Variants in ATM observed in about 807,000 individuals in gnomAD.
ATM encodes ATM serine/threonine kinase.
A neutral mutation model predicts 387.0 loss-of-function variants in ATM; 308 were observed. That is an observed-to-expected ratio of 0.80 (90% confidence interval 0.73 to 0.87). The LOEUF (loss-of-function observed/expected upper bound fraction) is 0.87. ATM is among the 40% of genes least tolerant of loss of function. The pLI is 0.00. For missense variants in ATM, 3,312 were observed against 3,560.9 expected, an observed-to-expected ratio of 0.93 and a Z score of 1.78; for synonymous variants, 1,156 against 1,187.3, an observed-to-expected ratio of 0.97 and a Z score of 0.54.
chr11:108,354,999 A>G (rs2089723672), intron 61 of ATM, 125 bp downstream of exon 61: 1 of 813,758 alleles, frequency 1.2e-6, no homozygotes, highest in Admixed American at 2.0e-5. Flanking sequence ...GCTGGGCAGC[A>G]GAAAGGAGGA....
intron 16 of ATM, among the ~76,000 whole-genome samples, chr11:108,263,824 A>G (rs945397591): frequency 1.3e-5 from 2 of 151,306 alleles, no homozygotes; most frequent in Non-Finnish European, 3.0e-5. Flanking sequence ...ACAGCAATAC[A>G]AACTACCATC....
intron 34 of ATM, among the ~76,000 whole-genome samples, chr11:108,300,440 A>G (rs2083366122): frequency 6.6e-6 from 1 of 152,068 alleles, no homozygotes; most frequent in Admixed American, 6.6e-5. Context: ...TCTCTTATTT[A>G]TTTGTTGATT....
chr11:108,269,974 A>G (rs1384606400), intron 18 of ATM, among the ~76,000 whole-genome samples: 1 of 152,166 alleles, frequency 6.6e-6, no homozygotes, highest in Non-Finnish European at 1.5e-5. Flanking sequence ...ACATTCAGTA[A>G]CCTCATGTAC....
At chr11:108,261,893 A>G (rs1292486225) in intron 16 of ATM, among the ~76,000 whole-genome samples, 1 of 152,046 alleles carries the variant, frequency 6.6e-6, no homozygotes, top group Non-Finnish European at 1.5e-5. Flanking sequence ...GCGATGGAAG[A>G]TGAAATGAAT....
At chr11:108,248,900 A>AG (rs1399852497) in intron 8 of ATM, 33 bp from the exon 9 acceptor site, 1 of 1,569,378 alleles carries the variant, frequency 6.4e-7, no homozygotes, top group African/African-American at 1.4e-5. Context: ...AAAAAAAAAA[A>AG]AAGAAAAAAG....
chr11:108,345,223 T>C (rs183940746), intron 57 of ATM, among the ~76,000 whole-genome samples: 18 of 152,256 alleles, frequency 1.2e-4, no homozygotes, highest in African/African-American at 4.1e-4. Context: ...AATAAAGATA[T>C]CTGGGCCAAA....
rs730881389 is a variant in ATM, at chr11:108,284,328, T to C, written c.3848T>C (p.Leu1283Pro). Reference sequence around the variant, plus strand: ...ATTCAAGAGGACTGGAAAAGTCTTCTAACAGACTGCTTTCCAAAGATTCTT... The same window carrying C: ...ATTCAAGAGGACTGGAAAAGTCTTCCAACAGACTGCTTTCCAAAGATTCTT... ...NQIQEDWKSL[L>P]TDCFPKILVN... is the part of the protein sequence containing the mutation. Residue 1283 changes from leucine (L) to proline (P), a missense_variant, in exon 26 of 63, where the codon CTA (leucine) becomes CCA (proline). Transcript: ENST00000675843. 3 of 1,613,960 alleles carry C rather than the reference T, an allele frequency of 1.9e-6. No individual in the cohort carries two copies. The highest frequency in any genetic ancestry group is 2.5e-6 in the Non-Finnish European group (3 of 1,179,956).
intron 3 of ATM, 111 bp from the exon 4 acceptor site, chr11:108,229,067 C>T: frequency 9.2e-7 from 1 of 1,084,272 alleles, no homozygotes; most frequent in Non-Finnish European, 1.3e-6. Flanking sequence ...ATGTAGTAAT[C>T]TAAGCAAGGT....
At chr11:108,224,322 T>A (rs537824369) in intron 1 of ATM, 1 of 152,178 alleles carries the variant, frequency 6.6e-6, no homozygotes, top group African/African-American at 2.4e-5. Flanking sequence ...GAGTTATTTC[T>A]AGGAAGATGG....
intron 61 of ATM, among the ~76,000 whole-genome samples, chr11:108,363,257 T>C (rs2090998604): frequency 6.6e-6 from 1 of 152,224 alleles, no homozygotes; most frequent in Admixed American, 6.5e-5. Flanking sequence ...TTAGATTTCA[T>C]TGAGGCACAG....
chr11:108,265,591 A>G (rs1289174982), intron 16 of ATM, among the ~76,000 whole-genome samples: 3 of 150,642 alleles, frequency 2.0e-5, no homozygotes, highest in African/African-American at 7.3e-5. Flanking sequence ...TTCATGTCTA[A>G]AACACCAAAA....
intron 18 of ATM, among the ~76,000 whole-genome samples, chr11:108,269,731 A>T (rs985234062): frequency 3.3e-5 from 5 of 152,068 alleles, no homozygotes; most frequent in African/African-American, 9.7e-5. Context: ...GTGAGTCCCT[A>T]ATTAGAACCT....
At position 108,325,524 on chromosome 11, in the gene ATM, A is replaced by T. The variant is rs1159290586; in HGVS notation, c.6787A>T (p.Arg2263Ter). 6.2e-7 allele frequency: 1 copy of T among 1,604,374 alleles called. No homozygotes were observed. The highest frequency in any genetic ancestry group is 8.5e-7 in the Non-Finnish European group (1 of 1,172,714). Residue 2263 changes from arginine to a stop codon, truncating the protein, a stop_gained, in exon 46 of 63, where the codon AGA becomes TGA. Transcript: ENST00000675843. LOFTEE classifies it high-confidence loss of function. ...KHLVELSILA[R>*]TFKNTQLPER... is the part of the protein sequence containing the mutation. The stretch of plus-strand genomic sequence containing the variant: ...CCTTGTAGAACTCTCTATACTGGCC[A>T]GAACTTTCAAGAACACTCAGGTAAA...
chr11:108,248,851 C>T (rs2135287173), intron 8 of ATM, 82 bp from the exon 9 acceptor site: 10 of 1,223,116 alleles, frequency 8.2e-6, no homozygotes, highest in Non-Finnish European at 1.1e-5. Context: ...TCGTGCTGTT[C>T]CACTCCAACC....
intron 30 of ATM, 38 bp downstream of exon 30, chr11:108,292,831 T>A (rs574392514): frequency 6.3e-7 from 1 of 1,596,318 alleles, no homozygotes; most frequent in Non-Finnish European, 8.6e-7. Flanking sequence ...GTATTTAAAA[T>A]ATATAAAGTA....
intron 53 of ATM, among the ~76,000 whole-genome samples, chr11:108,333,158 G>C (rs2086464778): frequency 1.3e-5 from 2 of 152,068 alleles, no homozygotes; most frequent in African/African-American, 2.4e-5. Flanking sequence ...ACTTATTACA[G>C]AGAATTGCAT....
intron 58 of ATM, 88 bp downstream of exon 58, chr11:108,345,996 G>C (rs1008411433): frequency 6.8e-7 from 1 of 1,460,636 alleles, no homozygotes; most frequent in Admixed American, 1.7e-5. Flanking sequence ...TCTACATTCT[G>C]AGTTGCAGGG....
chr11:108,331,404 T>C, intron 50 of ATM, 40 bp from the exon 51 acceptor site: 1 of 1,600,022 alleles, frequency 6.2e-7, no homozygotes, highest in Non-Finnish European at 8.5e-7. Flanking sequence ...ATATTTGAAA[T>C]ACCTTGTTTC....
At chr11:108,335,640 C>G (rs1033484669) in intron 55 of ATM, among the ~76,000 whole-genome samples, 1 of 151,898 alleles carries the variant, frequency 6.6e-6, no homozygotes. Flanking sequence ...ACAGAAGTAG[C>G]GAGGGGAAAC....
Sources: allele counts gnomAD v4.1 joint callset (sites outside exome capture counted in the v4.1 genomes callset), GRCh38; gene constraint gnomAD v4.1.1; transcripts MANE v1.5; gene names NCBI Gene and HGNC (gene_info 2026-07-23, HGNC 2026-07-21).